The following RNF144A variants were observed in gnomAD, a reference collection of about 807,000 sequenced individuals.
RNF144A encodes the protein E3 ubiquitin-protein ligase RNF144A.
A neutral mutation model predicts 38.7 loss-of-function variants in RNF144A; 11 were observed. The observed-to-expected ratio is 0.28, with a 90% confidence interval of 0.18 to 0.47. The LOEUF is 0.47. Ranked by LOEUF, RNF144A falls within the 20% of genes least tolerant of loss-of-function variation. The probability of loss-of-function intolerance (pLI) is 0.99; values close to 1 mark genes in which losing one functional copy is unlikely to be tolerated. For missense variants in RNF144A, 316 were observed against 377.2 expected, an observed-to-expected ratio of 0.84 and a Z score of 1.34; for synonymous variants, 149 against 143.9, an observed-to-expected ratio of 1.04 and a Z score of -0.25.
chr2:6,932,543 T>C (rs1158197886), intron 1 of RNF144A, among the ~76,000 whole-genome samples: 1 of 152,220 alleles, frequency 6.6e-6, no homozygotes, highest in Non-Finnish European at 1.5e-5. Context: ...TTCTTTAAAA[T>C]TGGTGTGTGT....
chr2:7,047,851 G>A (rs1368294426), downstream of RNF144A, among the ~76,000 whole-genome samples: 3 of 152,118 alleles, frequency 2.0e-5, no homozygotes, highest in African/African-American at 7.2e-5. Flanking sequence ...TCATATCACT[G>A]GGGCTTGGAG....
chr2:6,942,916 G>A (rs146841119), intron 2 of RNF144A, among the ~76,000 whole-genome samples: 131 of 152,284 alleles, frequency 8.6e-4, no homozygotes, highest in African/African-American at 2.6e-3. Context: ...CCTGGGAGGC[G>A]GAGGTCGCAG....
chr2:7,025,257 C>G (rs1671808845), intron 7 of RNF144A, among the ~76,000 whole-genome samples: 1 of 152,254 alleles, frequency 6.6e-6, no homozygotes, highest in Non-Finnish European at 1.5e-5. Flanking sequence ...GCCTGATGCA[C>G]AGGTTGCTGC....
At chr2:6,950,154 C>T (rs370138744) in intron 2 of RNF144A, among the ~76,000 whole-genome samples, 7 of 152,310 alleles carry the variant, frequency 4.6e-5, no homozygotes, top group East Asian at 3.9e-4. Flanking sequence ...GCCTTTCAAA[C>T]GAGAGCATCG....
chr2:7,000,422 T>G (rs1558420272), intron 3 of RNF144A, among the ~76,000 whole-genome samples: 2 of 152,222 alleles, frequency 1.3e-5, no homozygotes, highest in Non-Finnish European at 2.9e-5. Context: ...GTTCGTTTTG[T>G]CAATCAGAGA....
At chr2:6,998,139 A>G (rs542170037) in intron 3 of RNF144A, among the ~76,000 whole-genome samples, 83 of 152,110 alleles carry the variant, frequency 5.5e-4, no homozygotes, top group African/African-American at 1.8e-3. Context: ...ATCATTTTAA[A>G]AAGTACAGAA....
At chr2:7,007,843 G>A (rs567262977) in intron 3 of RNF144A, among the ~76,000 whole-genome samples, 10 of 152,306 alleles carry the variant, frequency 6.6e-5, no homozygotes, top group South Asian at 4.1e-4. Context: ...CAAACGGGCC[G>A]CGCTGCCCAC....
At chr2:6,931,284 A>G (rs1198564738) in intron 1 of RNF144A, among the ~76,000 whole-genome samples, 1 of 152,244 alleles carries the variant, frequency 6.6e-6, no homozygotes, top group Non-Finnish European at 1.5e-5. Context: ...TGTTTTATTC[A>G]TCTCTAAAGT....
chr2:7,026,594 AG>A (rs1442407478), intron 7 of RNF144A, among the ~76,000 whole-genome samples: 1 of 152,162 alleles, frequency 6.6e-6, no homozygotes, highest in Admixed American at 6.5e-5. Context: ...TCCATAAAGA[AG>A]GAAGAAAGTG....
intron 6 of RNF144A, among the ~76,000 whole-genome samples, chr2:7,056,466 A>G (rs1458516765): frequency 6.6e-6 from 1 of 152,050 alleles, no homozygotes; most frequent in African/African-American, 2.4e-5. Context: ...CCAAATTCAT[A>G]TGTCAATGCA....
chr2:7,049,319 G>T (rs1673427990), intron 6 of RNF144A, among the ~76,000 whole-genome samples: 1 of 152,230 alleles, frequency 6.6e-6, no homozygotes, highest in Admixed American at 6.5e-5. Flanking sequence ...ATGAGCAAAT[G>T]ATGCTTCCAA....
chr2:7,052,477 A>G (rs1448281814), intron 6 of RNF144A, among the ~76,000 whole-genome samples: 1 of 152,204 alleles, frequency 6.6e-6, no homozygotes, highest in African/African-American at 2.4e-5. Context: ...GCCTCCAAGG[A>G]TGGTTCTCTC....
chr2:6,954,448 G>A (rs899787471), intron 2 of RNF144A, among the ~76,000 whole-genome samples: 1 of 152,142 alleles, frequency 6.6e-6, no homozygotes, highest in African/African-American at 2.4e-5. Flanking sequence ...TATAAGCTAC[G>A]ATGCTTATTC....
chr2:6,963,466 C>A (rs1667468443), intron 2 of RNF144A, among the ~76,000 whole-genome samples: 1 of 152,126 alleles, frequency 6.6e-6, no homozygotes, highest in Non-Finnish European at 1.5e-5. Flanking sequence ...ACTTGGTTTT[C>A]TAAGTTAAAC....
In RNF144A at chr2:7,041,597, G is replaced by T. The variant is rs889402386; in HGVS notation, c.*1837G>T. ...AGAATAGCTTTTCTGGAGGTGGGTG[G>T]CAACTCCACGCGGGAGTCATTGGCT... On this transcript the variant is annotated 3_prime_UTR_variant, in exon 9 of 9. Coordinates refer to ENST00000320892, the MANE Select transcript of RNF144A (RefSeq NM_014746.6). 2 of 985,778 alleles carry T rather than the reference G, an allele frequency of 2.0e-6. No individual in the cohort carries two copies. Among genetic ancestry groups the T allele is most frequent in the African/African-American group, 3.5e-5 (2 of 57,236 alleles). 61.1% of individuals were successfully genotyped at this position (985,778 alleles called of 1,614,324 possible). A position where few individuals can be genotyped will look rare whatever the true frequency, so the allele number is the denominator to read the frequency against.
chr2:7,001,935 A>T (rs1203336606), intron 3 of RNF144A, among the ~76,000 whole-genome samples: 2 of 152,322 alleles, frequency 1.3e-5, no homozygotes, highest in East Asian at 1.9e-4. Flanking sequence ...AATATGATCA[A>T]CCTCATGAAC....
chr2:6,947,327 TG>T (rs1307610411), intron 2 of RNF144A, among the ~76,000 whole-genome samples: 1 of 152,094 alleles, frequency 6.6e-6, no homozygotes, highest in African/African-American at 2.4e-5. Context: ...TGGAACCTTA[TG>T]GTAACAAGCT....
chr2:6,936,970 A>G (rs1280077541), intron 1 of RNF144A, among the ~76,000 whole-genome samples: 2 of 151,914 alleles, frequency 1.3e-5, no homozygotes, highest in Non-Finnish European at 2.9e-5. Flanking sequence ...TGTCACTCCT[A>G]TGTGCTGTCT....
chr2:7,052,135 A>C (rs1329968141), intron 6 of RNF144A, among the ~76,000 whole-genome samples: 1 of 152,144 alleles, frequency 6.6e-6, no homozygotes, highest in Non-Finnish European at 1.5e-5. Flanking sequence ...GTCACTCAGA[A>C]AGCAGGTGGT....
Sources: allele counts gnomAD v4.1 joint callset (sites outside exome capture counted in the v4.1 genomes callset), GRCh38; gene constraint gnomAD v4.1.1; transcripts MANE v1.5; gene names NCBI Gene and HGNC (gene_info 2026-07-23, HGNC 2026-07-21).